Variants in NDUFAF6 observed in about 807,000 individuals in gnomAD.
The protein encoded by NDUFAF6 is NADH:ubiquinone oxidoreductase complex assembly factor 6.
NDUFAF6 carries 45 observed loss-of-function variants against 40.8 expected under a neutral mutation model. That is an observed-to-expected ratio of 1.10 (90% confidence interval 0.87 to 1.42). NDUFAF6 has a LOEUF of 1.42. Among genes scored for constraint, NDUFAF6 ranks in the 40% most tolerant of loss-of-function variants. The probability of loss-of-function intolerance (pLI) is 0.00; values close to 1 mark genes in which losing one functional copy is unlikely to be tolerated. For missense variants in NDUFAF6, 435 were observed against 418.5 expected, an observed-to-expected ratio of 1.04 and a Z score of -0.34; for synonymous variants, 185 against 155.9, an observed-to-expected ratio of 1.19 and a Z score of -1.39.
intron 2 of NDUFAF6, among the ~76,000 whole-genome samples, chr8:95,035,171 G>A (rs1021408471): frequency 1.2e-4 from 18 of 152,104 alleles, no homozygotes; most frequent in Admixed American, 2.6e-4. Context: ...GTGAGTCACC[G>A]TGCCTGACCA....
chr8:94,972,947 C>A (rs1476390754), intron 1 of NDUFAF6, among the ~76,000 whole-genome samples: 4 of 151,540 alleles, frequency 2.6e-5, no homozygotes, highest in Admixed American at 2.6e-4. Flanking sequence ...TATGGTGCCT[C>A]ACATCTGTAA....
intron 1 of NDUFAF6, among the ~76,000 whole-genome samples, chr8:94,977,858 A>T (rs919887135): frequency 1.3e-5 from 2 of 152,146 alleles, no homozygotes; most frequent in Non-Finnish European, 2.9e-5. Flanking sequence ...GTAGTGGGCA[A>T]TGAACCCTGA....
At chr8:94,985,862 A>AT (rs1302603828) in intron 2 of NDUFAF6, among the ~76,000 whole-genome samples, 1 of 139,618 alleles carries the variant, frequency 7.2e-6, no homozygotes, top group African/African-American at 2.7e-5. Context: ...ATTTTGTACA[A>AT]TTTTTTTCTT....
chr8:94,966,867 CTGCT>C (rs1824052984), intron 1 of NDUFAF6, among the ~76,000 whole-genome samples: 1 of 152,138 alleles, frequency 6.6e-6, no homozygotes, highest in Non-Finnish European at 1.5e-5. Flanking sequence ...CCAAGTGGGG[CTGCT>C]TTTAAGGAAG....
intron 2 of NDUFAF6, chr8:94,949,394 C>G (rs1305586388): frequency 6.6e-6 from 1 of 151,176 alleles, no homozygotes; most frequent in Non-Finnish European, 1.5e-5. Context: ...ATCGGCCGCT[C>G]CGCTCGCCGT....
chr8:95,105,240 A>G (rs761780878), downstream of NDUFAF6, among the ~76,000 whole-genome samples: 2 of 152,224 alleles, frequency 1.3e-5, no homozygotes, highest in African/African-American at 4.8e-5. Context: ...TGTTTCCATC[A>G]ACAAAGAGAG....
chr8:95,035,641 T>G, intron 3 of NDUFAF6, 65 bp downstream of exon 3: 1 of 1,487,974 alleles, frequency 6.7e-7, no homozygotes, highest in South Asian at 1.2e-5. Context: ...TTTTGATGGA[T>G]ATAATTTGGG....
chr8:95,008,282 C>T (rs1278642216), intron 2 of NDUFAF6, among the ~76,000 whole-genome samples: 2 of 152,168 alleles, frequency 1.3e-5, no homozygotes, highest in African/African-American at 4.8e-5. Flanking sequence ...TTACCCATTT[C>T]AACTGTGTAA....
intron 1 of NDUFAF6, among the ~76,000 whole-genome samples, chr8:94,976,853 T>C (rs995273206): frequency 1.3e-5 from 2 of 152,062 alleles, no homozygotes; most frequent in Non-Finnish European, 2.9e-5. Flanking sequence ...AACCATACAA[T>C]TAAAAATGGT....
intron 1 of NDUFAF6, among the ~76,000 whole-genome samples, chr8:95,027,461 T>A (rs1247471577): frequency 1.3e-5 from 2 of 151,436 alleles, no homozygotes; most frequent in African/African-American, 4.9e-5. Context: ...GCACCTGTAG[T>A]CCCAGCTACT....
rs547932085 is a variant in NDUFAF6, at chr8:95,006,620, C to T, written c.-83-25375C>T. Among the ~76,000 whole-genome samples, 8 of 152,254 alleles carry T rather than the reference C, an allele frequency of 5.3e-5. No individual in the cohort carries two copies. The East Asian group carries it at 9.6e-4, about 18-fold the overall frequency. On this transcript the variant is annotated intron_variant, in intron 2 of 9. Transcript: ENST00000396111. Reference sequence around the variant, plus strand: ...TTTAGGCCAGGCACAGTGGTTCACACGTGTAACCCCAGCATTTTGGGAGGC... The same window carrying T: ...TTTAGGCCAGGCACAGTGGTTCACATGTGTAACCCCAGCATTTTGGGAGGC...
chr8:95,094,735 CCTT>C (rs146591588), intron 2 of NDUFAF6, among the ~76,000 whole-genome samples: 2,606 of 132,034 alleles, frequency 0.02, 77 homozygotes, highest in Non-Finnish European at 0.025. Flanking sequence ...TTTTTTCTTT[CCTT>C]CTTCTTCTTC....
intron 2 of NDUFAF6, among the ~76,000 whole-genome samples, chr8:95,005,984 C>G (rs1181590732): frequency 6.6e-6 from 1 of 152,144 alleles, no homozygotes. Flanking sequence ...TATTGACCTA[C>G]ACCCAGAATT....
At chr8:94,908,188 C>T (rs1291452517) in intron 1 of NDUFAF6, among the ~76,000 whole-genome samples, 1 of 152,136 alleles carries the variant, frequency 6.6e-6, no homozygotes, top group Non-Finnish European at 1.5e-5. Context: ...TCGCATTGTG[C>T]CTGGCCAGTG....
chr8:95,000,521 T>A (rs1057132092), intron 2 of NDUFAF6, among the ~76,000 whole-genome samples: 1 of 152,078 alleles, frequency 6.6e-6, no homozygotes, highest in Non-Finnish European at 1.5e-5. Context: ...CATATTCTAA[T>A]CTTTTTATTA....
intron 1 of NDUFAF6, among the ~76,000 whole-genome samples, chr8:94,978,510 G>A: frequency 6.6e-6 from 1 of 152,138 alleles, no homozygotes; most frequent in Non-Finnish European, 1.5e-5. Context: ...GAGCCCAGGA[G>A]TTTGAGACTA....
chr8:94,934,512 A>G (rs1296521881), intron 1 of NDUFAF6, among the ~76,000 whole-genome samples: 1 of 151,244 alleles, frequency 6.6e-6, no homozygotes, highest in Non-Finnish European at 1.5e-5. Context: ...CAGCCTCCCT[A>G]GTAGCTGGGA....
intron 2 of NDUFAF6, among the ~76,000 whole-genome samples, chr8:94,989,782 G>C (rs1474101265): frequency 1.3e-5 from 2 of 152,130 alleles, no homozygotes; most frequent in African/African-American, 4.8e-5. Flanking sequence ...TGTTATCCAA[G>C]CTGGAGTGCA....
At chr8:94,964,220 G>A (rs908181895) in intron 1 of NDUFAF6, among the ~76,000 whole-genome samples, 2 of 152,150 alleles carry the variant, frequency 1.3e-5, no homozygotes, top group African/African-American at 4.8e-5. Context: ...TTGAGCCTAG[G>A]AGTTTGAGAC....
Sources: gnomAD v4.1 joint callset for allele counts (sites outside exome capture counted in the v4.1 genomes callset) on GRCh38, gnomAD v4.1.1 for gene constraint, MANE v1.5 for transcripts, NCBI Gene and HGNC (gene_info 2026-07-23, HGNC 2026-07-21) for gene names.